The following ACBD5 variants were observed in gnomAD, a reference collection of about 807,000 sequenced individuals.
The protein encoded by ACBD5 is acyl-CoA binding domain containing 5, also known as acyl-CoA-binding domain-containing protein 5.
A neutral mutation model predicts 71.8 loss-of-function variants in ACBD5; 40 were observed. The observed-to-expected ratio is 0.56, with a 90% CI of 0.43 to 0.72. The LOEUF (loss-of-function observed/expected upper bound fraction) is 0.72. Ranked by LOEUF, ACBD5 falls within the 30% of genes least tolerant of loss-of-function variation. The probability of loss-of-function intolerance (pLI) is 0.00; values close to 1 mark genes in which losing one functional copy is unlikely to be tolerated. For synonymous variants in ACBD5, 229 were observed against 218.6 expected, an observed-to-expected ratio of 1.05 and a Z score of -0.42; for missense variants, 559 against 644.5, an observed-to-expected ratio of 0.87 and a Z score of 1.44.
chr10:27,218,030 A>G lies in ACBD5; in HGVS notation c.779T>C (p.Ile260Thr). The change falls in exon 7 of 13, where the codon ATT becomes ACT. Residue 260 changes from isoleucine (I) to threonine (T), a missense_variant. Ile to Thr is a moderately conservative substitution (Grantham distance 89). Coordinates refer to ENST00000396271, the MANE Select transcript of ACBD5 (RefSeq NM_145698.5). ...NGRSTEEVKP[I>T]DENLGQTGKS... ...TCCAGTTTGCCCCAAGTTTTCATCAATGGGCTTTACTTCTTCAGTGCTTCT... is the reference window on the plus strand; with the variant it reads ...TCCAGTTTGCCCCAAGTTTTCATCAGTGGGCTTTACTTCTTCAGTGCTTCT... 6.2e-7 allele frequency: 1 copy of G among 1,614,160 alleles called. No homozygotes were observed. Among genetic ancestry groups the G allele is most frequent in the Non-Finnish European group, 8.5e-7 (1 of 1,180,020 alleles).
In ACBD5 at chr10:27,228,271, C is replaced by A. The variant is rs368350724; in HGVS notation, c.375+3477G>T. On this transcript the variant is annotated intron_variant, in intron 4 of 12. Transcript: ENST00000396271. The stretch of plus-strand genomic sequence containing the variant: ...CCCCAGAAGAGAGCCTAAATTTGTA[C>A]AAAAAAAAAAAAATAGAATTTTGGC... 7.8e-3 allele frequency among the ~76,000 whole-genome samples: 1,099 copies of A among 140,340 alleles called. 13 individuals carry two copies. Among genetic ancestry groups the A allele is most frequent in the African/African-American group, 0.02 (762 of 38,466 alleles). 92.1% of individuals were successfully genotyped at this position (140,340 alleles called of 152,430 possible).
Position 27,196,336 on chromosome 10 carries a change from C to G in ACBD5, c.*1094G>C, listed in dbSNP as rs752350792. On this transcript the variant is annotated 3_prime_UTR_variant, in exon 13 of 13. Coordinates refer to ENST00000396271, the MANE Select transcript of ACBD5 (RefSeq NM_145698.5). ...TCTAAATTGTAGTCTTCTTTTTGGT[C>G]TAGATGAGAGAGGTGGGGAAGAGGG... is the stretch of plus-strand genomic sequence containing the variant. 8.8e-6 allele frequency: 4 copies of G among 453,964 alleles called. No individual in the cohort carries two copies. The highest frequency in any genetic ancestry group is 1.3e-5 in the Non-Finnish European group (3 of 226,792). The allele number at this position is 453,964 out of a possible 1,614,324, so 28.1% of individuals were successfully genotyped here. A position where few individuals can be genotyped will look rare whatever the true frequency, so the allele number is the denominator to read the frequency against.
intron 5 of ACBD5, chr10:27,220,235 A>G (rs371619543): frequency 1.7e-3 from 271 of 156,864 alleles, no homozygotes; most frequent in Non-Finnish European, 3.3e-3. Flanking sequence ...AATCTCATCA[A>G]TATTACAGTT....
At chr10:27,218,414 G>T (rs1474075969) in intron 6 of ACBD5, among the ~76,000 whole-genome samples, 23 of 152,080 alleles carry the variant, frequency 1.5e-4, no homozygotes. Flanking sequence ...CAATCTTCTA[G>T]AATTTCTTTT....
chr10:27,222,410 T>TA (rs11322768), intron 5 of ACBD5, among the ~76,000 whole-genome samples: 18 of 140,430 alleles, frequency 1.3e-4, no homozygotes, highest in African/African-American at 3.9e-4. Context: ...GACAAAATTC[T>TA]AAAAAAAAAA....
chr10:27,201,455 C>A (rs1477876903), intron 12 of ACBD5, among the ~76,000 whole-genome samples: 1 of 152,106 alleles, frequency 6.6e-6, no homozygotes, highest in African/African-American at 2.4e-5. Context: ...GAAAAAAAAC[C>A]AGCAGACTTT....
intron 2 of ACBD5, among the ~76,000 whole-genome samples, chr10:27,237,535 C>A (rs1220459613): frequency 2.0e-5 from 3 of 151,816 alleles, no homozygotes; most frequent in African/African-American, 7.2e-5. Context: ...TTATAACAAA[C>A]TTCTGCTTCA....
chr10:27,235,305 T>C, intron 2 of ACBD5, 93 bp from the exon 3 acceptor site: 2 of 1,422,202 alleles, frequency 1.4e-6, no homozygotes, highest in South Asian at 2.3e-5. Context: ...AGTGATTTTA[T>C]ATTGCATTAA....
chr10:27,219,587 C>T, intron 6 of ACBD5, 136 bp downstream of exon 6: 1 of 1,207,400 alleles, frequency 8.3e-7, no homozygotes, highest in Admixed American at 1.8e-5. Context: ...TGGTCCACAG[C>T]AAACTTGTTT....
intron 6 of ACBD5, among the ~76,000 whole-genome samples, chr10:27,219,439 C>A (rs1432818951): frequency 6.6e-6 from 1 of 152,130 alleles, no homozygotes; most frequent in African/African-American, 2.4e-5. Context: ...GGGAACAACA[C>A]TTTAAAATAG....
rs529225905 is a variant in ACBD5 at position 27,238,557 on chromosome 10, T to A, written c.181+1762A>T. 3.9e-5 allele frequency among the ~76,000 whole-genome samples: 6 copies of A among 152,344 alleles called. No homozygotes were observed. In the East Asian group the frequency reaches 5.8e-4, roughly 15 times the overall value. On this transcript the variant is annotated intron_variant, in intron 2 of 12. Transcript: ENST00000396271. Reference sequence around the variant, plus strand: ...ACCTAAATAAGTTCATGCTTTTTTTTATATTTTATTTGTTCTTTCTTATCT... The same window carrying A: ...ACCTAAATAAGTTCATGCTTTTTTTAATATTTTATTTGTTCTTTCTTATCT...
At chr10:27,215,405 A>G in intron 8 of ACBD5, 130 bp downstream of exon 8, 1 of 669,938 alleles carries the variant, frequency 1.5e-6, no homozygotes. Flanking sequence ...TAAAATACAA[A>G]TGTTTAAACA....
At chr10:27,205,996 C>T (rs2060432559) in intron 10 of ACBD5, among the ~76,000 whole-genome samples, 1 of 152,078 alleles carries the variant, frequency 6.6e-6, no homozygotes, top group Non-Finnish European at 1.5e-5. Flanking sequence ...CAGCCTTGAA[C>T]TCCTGGGTTC....
chr10:27,236,337 A>G (rs538305656), intron 2 of ACBD5, among the ~76,000 whole-genome samples: 1 of 152,298 alleles, frequency 6.6e-6, no homozygotes, highest in South Asian at 2.1e-4. Context: ...TTAGAAAAAT[A>G]AGTTTAAAAA....
chr10:27,228,895 T>C (rs2063500258), intron 4 of ACBD5, among the ~76,000 whole-genome samples: 1 of 141,806 alleles, frequency 7.1e-6, no homozygotes, highest in Non-Finnish European at 1.5e-5. Flanking sequence ...CTCGGCTCAC[T>C]GCAACCTCTG....
At position 27,232,845 on chromosome 10, in the gene ACBD5, G is replaced by C. The variant is rs144019755; in HGVS notation, c.303-1025C>G. On this transcript the variant is annotated intron_variant, in intron 3 of 12. Transcript: ENST00000396271. ...CATTTTTATATGTTTTTCCCCGAAG[G>C]AGTTTAACTCCACCAAAGGTCAATT... Among the ~76,000 whole-genome samples, 9 of 152,126 alleles carry C rather than the reference G, an allele frequency of 5.9e-5. No individual in the cohort carries two copies. In the South Asian group the frequency reaches 1.9e-3, roughly 32 times the overall value.
intron 5 of ACBD5, among the ~76,000 whole-genome samples, chr10:27,222,671 A>G (rs970260942): frequency 6.6e-6 from 1 of 152,008 alleles, no homozygotes; most frequent in African/African-American, 2.4e-5. Flanking sequence ...CCTGGGTTCA[A>G]GTGATTCTTG....
At position 27,238,645 on chromosome 10, in the gene ACBD5, C is replaced by A. The variant is rs111303384; in HGVS notation, c.181+1674G>T. On this transcript the variant is annotated intron_variant, in intron 2 of 12. Transcript: ENST00000396271. ...GAAATTACAAAAGGTTCAGACAACA[C>A]CATAGAAGGAAAGAAATTACAAATG... 2.6e-3 allele frequency among the ~76,000 whole-genome samples: 400 copies of A among 151,988 alleles called. 2 individuals are homozygous for A. The highest frequency in any genetic ancestry group is 9.2e-3 in the African/African-American group (382 of 41,452).
chr10:27,218,324 G>T (rs534461157), intron 6 of ACBD5, 141 bp from the exon 7 acceptor site: 3 of 738,378 alleles, frequency 4.1e-6, no homozygotes, highest in Admixed American at 2.0e-5. Flanking sequence ...AAGAGAAGGC[G>T]TGCTCCTTGA....
Sources: gnomAD v4.1 joint callset for allele counts (sites outside exome capture counted in the v4.1 genomes callset) on GRCh38, gnomAD v4.1.1 for gene constraint, MANE v1.5 for transcripts, NCBI Gene and HGNC (gene_info 2026-07-23, HGNC 2026-07-21) for gene names.